CNTNAP2: variants seen among roughly 807,000 people sequenced by gnomAD.
CNTNAP2 encodes contactin-associated protein-like 2.
CNTNAP2 carries 98 observed loss-of-function variants against 155.2 expected under a neutral mutation model. That is an observed-to-expected ratio of 0.63 (90% CI 0.54 to 0.75). The LOEUF (loss-of-function observed/expected upper bound fraction) is 0.75. Ranked by LOEUF, CNTNAP2 falls within the 30% of genes least tolerant of loss-of-function variation. CNTNAP2 has a pLI of 0.00. For synonymous variants in CNTNAP2, 651 were observed against 631.2 expected (o/e 1.03, Z -0.47); for missense variants, 1,727 against 1,688.1 (o/e 1.02, Z -0.40).
intron 1 of CNTNAP2, among the ~76,000 whole-genome samples, chr7:146,383,398 A>T (rs1024446913): frequency 1.3e-5 from 2 of 152,124 alleles, no homozygotes; most frequent in African/African-American, 4.8e-5. Flanking sequence ...GGTCCTCAAA[A>T]TGGGAGTCAG....
intron 1 of CNTNAP2, among the ~76,000 whole-genome samples, chr7:146,357,232 CAAAAAAA>C (rs71525940): frequency 1.3e-4 from 13 of 98,504 alleles, no homozygotes; most frequent in Admixed American, 1.2e-3. Flanking sequence ...TACAGTGCTC[CAAAAAAA>C]AAAAAAAAAA....
chr7:148,309,962 G>A lies in CNTNAP2; in HGVS notation c.3475+42836G>A, dbSNP rs147212844. Among the ~76,000 whole-genome samples the A allele has an allele frequency of 3.4e-3, 510 of 152,228 alleles. 6 individuals carry two copies. Among genetic ancestry groups the A allele is most frequent in the African/African-American group, 0.011 (442 of 41,530 alleles). On this transcript the variant is annotated intron_variant, in intron 21 of 23. Coordinates refer to ENST00000361727, the MANE Select transcript of CNTNAP2 (RefSeq NM_014141.6). ...GGCTGCTTCGAGCGGGATTAGGGGC[G>A]GCATGGGAACCTAGAGTGGGAGAGA... is the stretch of plus-strand genomic sequence containing the variant.
At chr7:146,929,783 G>A (rs1182346059) in intron 3 of CNTNAP2, among the ~76,000 whole-genome samples, 6 of 152,180 alleles carry the variant, frequency 3.9e-5, no homozygotes, top group Non-Finnish European at 7.3e-5. Context: ...CGAGAACTAC[G>A]TGAAGAATGC....
intron 21 of CNTNAP2, among the ~76,000 whole-genome samples, chr7:148,315,383 GT>G (rs915090455): frequency 6.6e-6 from 1 of 152,166 alleles, no homozygotes; most frequent in Non-Finnish European, 1.5e-5. Context: ...AAGGGGGGTT[GT>G]TCTCTGGCGG....
chr7:147,667,469 C>T (rs896809612), intron 13 of CNTNAP2, among the ~76,000 whole-genome samples: 1 of 152,116 alleles, frequency 6.6e-6, no homozygotes, highest in Non-Finnish European at 1.5e-5. Context: ...CCCAGGGTCT[C>T]CAAGCATATC....
At chr7:146,931,802 C>G (rs1297516962) in intron 3 of CNTNAP2, among the ~76,000 whole-genome samples, 6 of 151,482 alleles carry the variant, frequency 4.0e-5, no homozygotes, top group African/African-American at 1.2e-4. Flanking sequence ...GAGAATACTA[C>G]AAACACCTCT....
intron 2 of CNTNAP2, among the ~76,000 whole-genome samples, chr7:146,810,435 T>TAA (rs1803044547): frequency 6.6e-6 from 1 of 152,080 alleles, no homozygotes; most frequent in African/African-American, 2.4e-5. Flanking sequence ...AGCATTTTAT[T>TAA]GTTTAGATGC....
intron 13 of CNTNAP2, among the ~76,000 whole-genome samples, chr7:147,700,341 C>G (rs917812467): frequency 1.3e-5 from 2 of 152,106 alleles, no homozygotes; most frequent in African/African-American, 2.4e-5. Context: ...GTGCACTGTT[C>G]CAGGAGGGCT....
chr7:146,626,787 T>C (rs146563021), intron 1 of CNTNAP2, among the ~76,000 whole-genome samples: 223 of 152,296 alleles, frequency 1.5e-3, no homozygotes, highest in African/African-American at 5.0e-3. Context: ...TATTGCTGTG[T>C]ATTGGGGCTT....
intron 15 of CNTNAP2, among the ~76,000 whole-genome samples, chr7:148,108,167 C>T (rs2116592571): frequency 6.6e-6 from 1 of 152,340 alleles, no homozygotes; most frequent in East Asian, 1.9e-4. Context: ...CTCTGCTACT[C>T]TGCAGTTATC....
intron 14 of CNTNAP2, among the ~76,000 whole-genome samples, chr7:147,917,886 A>C (rs1027940795): frequency 6.6e-6 from 1 of 152,026 alleles, no homozygotes; most frequent in Non-Finnish European, 1.5e-5. Flanking sequence ...CCTCACTCAC[A>C]CTGGGGCCAT....
At position 146,216,413 on chromosome 7, in the gene CNTNAP2, A is replaced by G. The variant is rs114779699; in HGVS notation, c.97+99440A>G. The stretch of plus-strand genomic sequence containing the variant: ...AGAGAGGGTTTTAAAAAGTGGTTTT[A>G]TATTTGATGGAACCCTTGTTGGTGC... On this transcript the variant is annotated intron_variant, in intron 1 of 23. Transcript: ENST00000361727. Among the ~76,000 whole-genome samples the G allele has an allele frequency of 5.5e-3, 834 of 152,308 alleles. 10 individuals carry two copies. The highest frequency in any genetic ancestry group is 0.019 in the African/African-American group (783 of 41,564).
At chr7:146,675,161 G>A (rs1015701348) in intron 1 of CNTNAP2, among the ~76,000 whole-genome samples, 8 of 107,974 alleles carry the variant, frequency 7.4e-5, no homozygotes, top group Non-Finnish European at 1.6e-4. Flanking sequence ...GTATCCAGTA[G>A]ATGTTTGAGA....
intron 13 of CNTNAP2, among the ~76,000 whole-genome samples, chr7:147,887,530 C>T (rs1364353031): frequency 6.6e-6 from 1 of 151,950 alleles, no homozygotes; most frequent in Non-Finnish European, 1.5e-5. Context: ...ATTGAGCATG[C>T]AAGAAATTGA....
chr7:146,300,297 T>A (rs1015615937), intron 1 of CNTNAP2, among the ~76,000 whole-genome samples: 2 of 152,162 alleles, frequency 1.3e-5, no homozygotes, highest in East Asian at 3.8e-4. Context: ...TAACTTAGTA[T>A]AAAAAGATCT....
intron 13 of CNTNAP2, among the ~76,000 whole-genome samples, chr7:147,796,862 T>G (rs1188314665): frequency 6.6e-6 from 1 of 152,104 alleles, no homozygotes; most frequent in East Asian, 1.9e-4. Context: ...AGCTGTTTCA[T>G]GGAGCATCTC....
intron 14 of CNTNAP2, among the ~76,000 whole-genome samples, chr7:147,917,571 C>T (rs969863382): frequency 6.6e-6 from 1 of 152,126 alleles, no homozygotes; most frequent in African/African-American, 2.4e-5. Context: ...CTTTACATAC[C>T]ACTTCCATTT....
intron 1 of CNTNAP2, among the ~76,000 whole-genome samples, chr7:146,352,750 G>GTTTTTTTTTTTTTTTTTTTTATTTTTT (rs1794935172): frequency 1.6e-5 from 1 of 64,338 alleles, no homozygotes. Flanking sequence ...GCATAATTCT[G>GTTTTTTTTTTTTTTTTTTTTATTTTTT]TTTTTTTTTT....
intron 1 of CNTNAP2, among the ~76,000 whole-genome samples, chr7:146,412,118 C>A (rs1368998301): frequency 6.6e-6 from 1 of 152,102 alleles, no homozygotes; most frequent in Non-Finnish European, 1.5e-5. Context: ...CAGGAGTGAG[C>A]CACCGCGCCC....
Sources: allele counts gnomAD v4.1 joint callset (sites outside exome capture counted in the v4.1 genomes callset), GRCh38; gene constraint gnomAD v4.1.1; transcripts MANE v1.5; gene names NCBI Gene and HGNC (gene_info 2026-07-23, HGNC 2026-07-21).